Variants in TERF1 observed in about 807,000 individuals in gnomAD.
The protein encoded by TERF1 is telomeric repeat-binding factor 1.
TERF1 carries 20 observed loss-of-function variants against 55.1 expected under a neutral mutation model. The ratio of observed to expected loss-of-function variants is 0.36; its 90% confidence interval spans 0.26 to 0.53. The LOEUF (loss-of-function observed/expected upper bound fraction) is 0.53, where lower values mean the gene tolerates loss of function less well. Among genes scored for constraint, TERF1 ranks in the 20% least tolerant of loss-of-function variants. The pLI is 0.91. For missense variants in TERF1, 439 were observed against 535.7 expected, an observed-to-expected ratio of 0.82 and a Z score of 1.78; for synonymous variants, 168 against 181.2, an observed-to-expected ratio of 0.93 and a Z score of 0.59.
At chr8:73,034,494 A>C (rs78142211) in intron 8 of TERF1, among the ~76,000 whole-genome samples, 5 of 152,050 alleles carry the variant, frequency 3.3e-5, no homozygotes, top group Non-Finnish European at 7.4e-5. Context: ...CTAACTCCCA[A>C]ACTCAAGCAA....
At chr8:73,032,857 T>C (rs545640722) in intron 8 of TERF1, among the ~76,000 whole-genome samples, 1 of 152,132 alleles carries the variant, frequency 6.6e-6, no homozygotes, top group African/African-American at 2.4e-5. Context: ...TTTTAGGTAC[T>C]GAACTGATAC....
chr8:73,016,367 C>T (rs1386761550), intron 2 of TERF1, among the ~76,000 whole-genome samples: 2 of 151,560 alleles, frequency 1.3e-5, no homozygotes, highest in East Asian at 1.9e-4. Flanking sequence ...TAGACCCCCA[C>T]GTAGCTCTGA....
intron 6 of TERF1, 41 bp downstream of exon 6, chr8:73,027,093 A>G (rs1052061070): frequency 7.1e-7 from 1 of 1,416,382 alleles, no homozygotes; most frequent in African/African-American, 1.4e-5. Context: ...TGTTTTATGA[A>G]TGTTCTGTCT....
At chr8:73,014,762 A>T (rs1808424489) in intron 2 of TERF1, among the ~76,000 whole-genome samples, 1 of 152,264 alleles carries the variant, frequency 6.6e-6, no homozygotes, top group Admixed American at 6.5e-5. Flanking sequence ...CCAGTGTATT[A>T]GCACCACTGT....
intron 5 of TERF1, among the ~76,000 whole-genome samples, chr8:73,025,649 C>T (rs1222633830): frequency 1.3e-5 from 2 of 148,968 alleles, no homozygotes; most frequent in Non-Finnish European, 3.0e-5. Context: ...CCCAGCTACT[C>T]AGGAGGCTGA....
chr8:73,032,773 G>A (rs1042210819), intron 8 of TERF1, among the ~76,000 whole-genome samples: 10 of 151,958 alleles, frequency 6.6e-5, no homozygotes, highest in Non-Finnish European at 1.0e-4. Context: ...GTCTGAGAGC[G>A]TTGACTTAGC....
Position 73,031,428 on chromosome 8 carries a change from T to A in TERF1, c.948-614T>A, listed in dbSNP as rs1809278943. 2.0e-5 allele frequency: 3 copies of A among 152,168 alleles called. 1 individual carries two copies. Among genetic ancestry groups the A allele is most frequent in the Admixed American group, 6.6e-5 (1 of 15,266 alleles). The allele number at this position is 152,168 out of a possible 1,614,324, so 9.4% of individuals were successfully genotyped here. On this transcript the variant is annotated intron_variant, in intron 7 of 9. Transcript: ENST00000276603. ...GTATCTATAGGGATAAAAGTATAGC[T>A]AAAATAACCTACATTTTAGGTGGAG...
intron 9 of TERF1, among the ~76,000 whole-genome samples, chr8:73,039,669 A>G (rs1809749623): frequency 6.6e-6 from 1 of 151,936 alleles, no homozygotes; most frequent in Non-Finnish European, 1.5e-5. Context: ...CAGTGACTAT[A>G]GTCTTGTGCC....
At chr8:73,037,851 A>AAATATGATATATAAT (rs1563472326) in intron 8 of TERF1, among the ~76,000 whole-genome samples, 105 of 103,032 alleles carry the variant, frequency 1.0e-3, no homozygotes, top group Non-Finnish European at 1.5e-3. Flanking sequence ...TATAATATAT[A>AAATATGATATATAAT]ATATATAAAT....
At chr8:73,044,107 C>G (rs1809939969) in intron 9 of TERF1, among the ~76,000 whole-genome samples, 1 of 152,112 alleles carries the variant, frequency 6.6e-6, no homozygotes, top group African/African-American at 2.4e-5. Context: ...TAATGCATCT[C>G]TTGGTTTTTG....
chr8:73,028,004 C>T (rs948516808), intron 6 of TERF1, among the ~76,000 whole-genome samples: 1 of 152,174 alleles, frequency 6.6e-6, no homozygotes, highest in Non-Finnish European at 1.5e-5. Context: ...TCTTATTTCA[C>T]ATTGATGTAC....
chr8:73,027,425 A>G (rs1478164362), intron 6 of TERF1, among the ~76,000 whole-genome samples: 1 of 152,174 alleles, frequency 6.6e-6, no homozygotes, highest in African/African-American at 2.4e-5. Flanking sequence ...TATTATTCAT[A>G]TATCTTCTCT....
At chr8:73,035,394 A>G (rs1464050159) in intron 8 of TERF1, among the ~76,000 whole-genome samples, 1 of 150,572 alleles carries the variant, frequency 6.6e-6, no homozygotes, top group Non-Finnish European at 1.5e-5. Context: ...GTTTAATTCT[A>G]TTTCAGTCTG....
intron 8 of TERF1, among the ~76,000 whole-genome samples, chr8:73,036,104 G>A (rs138690359): frequency 1.1e-4 from 17 of 152,312 alleles, no homozygotes; most frequent in South Asian, 6.2e-4. Context: ...TGGATGCTGC[G>A]AAGGCAGTAA....
intron 9 of TERF1, chr8:73,043,131 A>T (rs1335956852): frequency 6.6e-6 from 1 of 152,208 alleles, no homozygotes; most frequent in Non-Finnish European, 1.5e-5. Flanking sequence ...TATAGAAAGT[A>T]GAAGTTGGTA....
At chr8:73,036,240 A>G (rs548361851) in intron 8 of TERF1, among the ~76,000 whole-genome samples, 1 of 152,334 alleles carries the variant, frequency 6.6e-6, no homozygotes, top group South Asian at 2.1e-4. Flanking sequence ...TGGCCTGGTC[A>G]TCATGTTGTG....
rs536278366 is a variant in TERF1, at chr8:73,038,091, A to T, written c.1040-1025A>T. 1.7e-3 allele frequency among the ~76,000 whole-genome samples: 263 copies of T among 150,790 alleles called. 1 individual carries two copies. Among genetic ancestry groups the T allele is most frequent in the African/African-American group, 6.2e-3 (253 of 41,048 alleles). ...AGATAGATAGATAAAGCTTCTCATAACATGTTTTATATACATAGTAAAGCT... is the reference window on the plus strand; with the variant it reads ...AGATAGATAGATAAAGCTTCTCATATCATGTTTTATATACATAGTAAAGCT... On this transcript the variant is annotated intron_variant, in intron 8 of 9. Transcript: ENST00000276603.
intron 9 of TERF1, among the ~76,000 whole-genome samples, chr8:73,039,818 TC>T: frequency 6.7e-6 from 1 of 148,552 alleles, no homozygotes; most frequent in Non-Finnish European, 1.5e-5. Context: ...TGTGTGTGTT[TC>T]CCCCTTTTTT....
intron 4 of TERF1, among the ~76,000 whole-genome samples, chr8:73,023,476 GT>G (rs1294562139): frequency 6.6e-6 from 1 of 152,208 alleles, no homozygotes; most frequent in Non-Finnish European, 1.5e-5. Flanking sequence ...AGGTTGGGCA[GT>G]TTTGGCAAGG....
Sources: gnomAD v4.1 joint callset for allele counts (sites outside exome capture counted in the v4.1 genomes callset) on GRCh38, gnomAD v4.1.1 for gene constraint, MANE v1.5 for transcripts, NCBI Gene and HGNC (gene_info 2026-07-23, HGNC 2026-07-21) for gene names.